Variants in NRXN3 observed in about 807,000 individuals in gnomAD.
The protein encoded by NRXN3 is neurexin III.
A neutral mutation model predicts 137.6 loss-of-function variants in NRXN3; 32 were observed. That is an observed-to-expected ratio of 0.23 (90% CI 0.18 to 0.31). NRXN3 has a LOEUF of 0.31. Ranked by LOEUF, NRXN3 falls within the 10% of genes least tolerant of loss-of-function variation. The pLI, the probability that NRXN3 is intolerant of heterozygous loss-of-function variation, is 1.00. For missense variants in NRXN3, 1,574 were observed against 2,062.5 expected, an observed-to-expected ratio of 0.76 and a Z score of 4.59; for synonymous variants, 798 against 784.5, an observed-to-expected ratio of 1.02 and a Z score of -0.29.
intron 4 of NRXN3, among the ~76,000 whole-genome samples, chr14:78,518,741 C>T (rs1226744093): frequency 2.0e-5 from 3 of 152,028 alleles, no homozygotes; most frequent in Non-Finnish European, 4.4e-5. Flanking sequence ...AGATCATAGC[C>T]CATGCCCTAA....
At chr14:78,198,862 T>G (rs2061441693) in intron 1 of NRXN3, among the ~76,000 whole-genome samples, 1 of 152,238 alleles carries the variant, frequency 6.6e-6, no homozygotes, top group South Asian at 2.1e-4. Context: ...TCTTTTCCTA[T>G]AGCTTGAGAA....
chr14:78,283,758 C>T (rs1369847878), intron 3 of NRXN3, among the ~76,000 whole-genome samples: 1 of 152,204 alleles, frequency 6.6e-6, no homozygotes, highest in Non-Finnish European at 1.5e-5. Flanking sequence ...ATCCACCTGC[C>T]TCAGCCTCCC....
At chr14:78,449,289 C>T (rs918826775) in intron 4 of NRXN3, among the ~76,000 whole-genome samples, 1 of 152,140 alleles carries the variant, frequency 6.6e-6, no homozygotes, top group African/African-American at 2.4e-5. Context: ...CTTGGCTCAC[C>T]GTAACCTCCG....
At chr14:78,482,490 C>T (rs560410698) in intron 4 of NRXN3, among the ~76,000 whole-genome samples, 94 of 152,280 alleles carry the variant, frequency 6.2e-4, no homozygotes, top group African/African-American at 1.9e-3. Context: ...CTCTCTCAGA[C>T]ATCTTGAAAT....
intron 15 of NRXN3, among the ~76,000 whole-genome samples, chr14:79,428,602 A>G (rs555823830): frequency 1.8e-4 from 28 of 152,252 alleles, no homozygotes; most frequent in Non-Finnish European, 2.8e-4. Context: ...ATATATACAT[A>G]TATAAGTGTA....
At chr14:78,534,536 A>G (rs1261569718) in intron 4 of NRXN3, among the ~76,000 whole-genome samples, 1 of 152,246 alleles carries the variant, frequency 6.6e-6, no homozygotes, top group Non-Finnish European at 1.5e-5. Context: ...AAGGTGATGC[A>G]GAGCAGCCAG....
chr14:79,756,308 A>T (rs1256021823), intron 19 of NRXN3, among the ~76,000 whole-genome samples: 1 of 152,170 alleles, frequency 6.6e-6, no homozygotes, highest in East Asian at 1.9e-4. Flanking sequence ...CTCTGGGTTC[A>T]TATCATCATA....
At position 78,834,171 on chromosome 14, in the gene NRXN3, T is replaced by A. The variant is rs192453249; in HGVS notation, c.2275+23827T>A. Among the ~76,000 whole-genome samples, 499 of 152,088 alleles carry A rather than the reference T, an allele frequency of 3.3e-3. 4 individuals carry two copies. Among genetic ancestry groups the A allele is most frequent in the Non-Finnish European group, 3.6e-3 (245 of 67,990 alleles). ...GGTCTTGCTGGCCAAGGTAAGGAGT[T>A]TGCATCTTATTCTAGGAGCGACAGG... is the stretch of plus-strand genomic sequence containing the variant. On this transcript the variant is annotated intron_variant, in intron 10 of 20. Coordinates refer to ENST00000335750, the MANE Select transcript of NRXN3 (RefSeq NM_001330195.2).
At chr14:79,829,744 G>A (rs1168679653) in intron 20 of NRXN3, among the ~76,000 whole-genome samples, 3 of 152,070 alleles carry the variant, frequency 2.0e-5, no homozygotes, top group African/African-American at 7.2e-5. Flanking sequence ...CTTTTCAGTG[G>A]AATAGAACTG....
At chr14:79,266,259 C>T (rs1172185165) in intron 15 of NRXN3, among the ~76,000 whole-genome samples, 2 of 152,092 alleles carry the variant, frequency 1.3e-5, no homozygotes, top group Non-Finnish European at 2.9e-5. Context: ...TAATACAGTC[C>T]TTTCTATATT....
At chr14:78,473,575 A>G (rs1392946700) in intron 4 of NRXN3, among the ~76,000 whole-genome samples, 2 of 152,252 alleles carry the variant, frequency 1.3e-5, no homozygotes, top group African/African-American at 4.8e-5. Flanking sequence ...CTAGGTGTAT[A>G]AGCTACTGCT....
At chr14:79,444,884 C>A (rs1426084635) in intron 15 of NRXN3, among the ~76,000 whole-genome samples, 1 of 152,090 alleles carries the variant, frequency 6.6e-6, no homozygotes, top group African/African-American at 2.4e-5. Flanking sequence ...TAAACACATA[C>A]ATATTGTGGA....
intron 4 of NRXN3, among the ~76,000 whole-genome samples, chr14:78,576,431 G>A (rs2096936731): frequency 6.6e-6 from 1 of 151,928 alleles, no homozygotes; most frequent in Admixed American, 6.6e-5. Context: ...TGAGACATAA[G>A]CAAAATCAAG....
At chr14:78,738,116 A>G (rs369426484) in intron 8 of NRXN3, among the ~76,000 whole-genome samples, 74 of 152,306 alleles carry the variant, frequency 4.9e-4, no homozygotes, top group African/African-American at 1.8e-3. Flanking sequence ...CAACTACAAC[A>G]CACTCCACCA....
At chr14:78,340,943 G>A (rs1443236890) in intron 4 of NRXN3, among the ~76,000 whole-genome samples, 1 of 152,132 alleles carries the variant, frequency 6.6e-6, no homozygotes, top group Non-Finnish European at 1.5e-5. Context: ...CTTTGGTAGG[G>A]TTGCATTATT....
chr14:79,168,878 G>A (rs1019339698), intron 15 of NRXN3, among the ~76,000 whole-genome samples: 11 of 152,074 alleles, frequency 7.2e-5, no homozygotes, highest in African/African-American at 2.7e-4. Flanking sequence ...GCTACTAAGT[G>A]CATTACTTTG....
At position 79,772,051 on chromosome 14, in the gene NRXN3, T is replaced by C. The variant is rs887876785; in HGVS notation, c.4015-33061T>C. The stretch of plus-strand genomic sequence containing the variant: ...ATTGCTTCAAAGAGAATAAAATACC[T>C]AGGAATCCACCTTACAAGGGATGTG... On this transcript the variant is annotated intron_variant, in intron 19 of 20. Coordinates refer to ENST00000335750, the MANE Select transcript of NRXN3 (RefSeq NM_001330195.2). 1.4e-3 allele frequency among the ~76,000 whole-genome samples: 192 copies of C among 140,164 alleles called. 2 individuals are homozygous for C. The highest frequency in any genetic ancestry group is 5.1e-3 in the African/African-American group (189 of 37,258). 92.0% of individuals were successfully genotyped at this position (140,164 alleles called of 152,430 possible).
intron 8 of NRXN3, among the ~76,000 whole-genome samples, chr14:78,778,319 C>T (rs1264712206): frequency 6.6e-6 from 1 of 152,142 alleles, no homozygotes; most frequent in Admixed American, 6.5e-5. Context: ...GTTAGGCAAT[C>T]CCATGGGTTG....
At chr14:79,452,131 A>G (rs1600508906) in intron 15 of NRXN3, among the ~76,000 whole-genome samples, 1 of 151,964 alleles carries the variant, frequency 6.6e-6, no homozygotes, top group East Asian at 1.9e-4. Flanking sequence ...AAAAAAAAAT[A>G]GCCACATAAA....
Sources: allele counts gnomAD v4.1 joint callset (sites outside exome capture counted in the v4.1 genomes callset), GRCh38; gene constraint gnomAD v4.1.1; transcripts MANE v1.5; gene names NCBI Gene and HGNC (gene_info 2026-07-23, HGNC 2026-07-21).